PALM2AKAP2: variants seen among roughly 807,000 people sequenced by gnomAD.
PALM2AKAP2 encodes PALM2-AKAP2 fusion protein.
In PALM2AKAP2, 37 loss-of-function variants were observed where a neutral mutation model predicts 71.5. The observed-to-expected ratio is 0.52, with a 90% CI of 0.40 to 0.68. PALM2AKAP2 has a LOEUF of 0.68. Ranked by LOEUF, PALM2AKAP2 falls within the 30% of genes least tolerant of loss-of-function variation. PALM2AKAP2 has a pLI of 0.00. For synonymous variants in PALM2AKAP2, 468 were observed against 478.8 expected, an observed-to-expected ratio of 0.98 and a Z score of 0.29; for missense variants, 1,224 against 1,191.8, an observed-to-expected ratio of 1.03 and a Z score of -0.40.
chr9:110,097,735 C>T (rs1162951127), intron 1 of PALM2AKAP2, among the ~76,000 whole-genome samples: 5 of 143,326 alleles, frequency 3.5e-5, no homozygotes, highest in Non-Finnish European at 4.5e-5. Context: ...CAGGCAGAGA[C>T]GCTCCTCACT....
chr9:109,970,499 T>C (rs1258582238), intron 6 of PALM2AKAP2, among the ~76,000 whole-genome samples: 1 of 152,156 alleles, frequency 6.6e-6, no homozygotes, highest in East Asian at 1.9e-4. Flanking sequence ...GGGTAGAAGC[T>C]GGAAACAAGG....
intron 1 of PALM2AKAP2, among the ~76,000 whole-genome samples, chr9:109,730,707 A>G (rs1828544904): frequency 6.6e-6 from 1 of 152,208 alleles, no homozygotes; most frequent in Non-Finnish European, 1.5e-5. Flanking sequence ...TTAGGATATG[A>G]ATAAGAAGAG....
intron 1 of PALM2AKAP2, among the ~76,000 whole-genome samples, chr9:109,667,932 T>TAAAGTAATTGAGCTACATATCCCTC (rs1587860398): frequency 2.5e-5 from 2 of 81,202 alleles, no homozygotes; most frequent in African/African-American, 6.0e-5. Flanking sequence ...GCTTTGGTTT[T>TAAAGTAATTGAGCTACATATCCCTC]TTTTTTTTTT....
chr9:109,908,065 C>A (rs996495190), intron 3 of PALM2AKAP2, among the ~76,000 whole-genome samples: 6 of 152,158 alleles, frequency 3.9e-5, no homozygotes, highest in Non-Finnish European at 7.4e-5. Flanking sequence ...GAGAATGTTC[C>A]CTTTTAGAAC....
chr9:109,845,557 C>T (rs1828831836), intron 1 of PALM2AKAP2, among the ~76,000 whole-genome samples: 1 of 152,086 alleles, frequency 6.6e-6, no homozygotes, highest in Non-Finnish European at 1.5e-5. Context: ...CCTAGGGAGA[C>T]AAAGAAAACC....
chr9:109,931,977 T>G, exon 6 of PALM2AKAP2: 1 of 1,614,108 alleles, frequency 6.2e-7, no homozygotes, highest in South Asian at 1.1e-5. Context: ...AATCCTCTGT[T>G]CACGAACAGC....
chr9:109,930,003 G>T (rs148078790), intron 5 of PALM2AKAP2, among the ~76,000 whole-genome samples: 31 of 152,032 alleles, frequency 2.0e-4, no homozygotes, highest in African/African-American at 7.5e-4. Context: ...GGTCCCTGCA[G>T]GCTGCTTTCC....
chr9:109,757,864 G>T (rs1041048881), intron 1 of PALM2AKAP2, among the ~76,000 whole-genome samples: 1 of 151,942 alleles, frequency 6.6e-6, no homozygotes, highest in Non-Finnish European at 1.5e-5. Flanking sequence ...AACTTTTTAT[G>T]TATTTCATTG....
intron 1 of PALM2AKAP2, among the ~76,000 whole-genome samples, chr9:110,074,619 C>T (rs1257259199): frequency 6.6e-6 from 1 of 152,106 alleles, no homozygotes; most frequent in Non-Finnish European, 1.5e-5. Flanking sequence ...AAAAAGACTC[C>T]AATAGTTCAC....
intron 1 of PALM2AKAP2, among the ~76,000 whole-genome samples, chr9:109,680,963 G>T (rs1281942951): frequency 6.6e-6 from 1 of 152,104 alleles, no homozygotes; most frequent in East Asian, 1.9e-4. Flanking sequence ...CCCAGAGTTA[G>T]ACAATAAGGA....
chr9:110,084,279 A>G (rs1472944564), intron 1 of PALM2AKAP2, among the ~76,000 whole-genome samples: 1 of 152,240 alleles, frequency 6.6e-6, no homozygotes, highest in Admixed American at 6.5e-5. Flanking sequence ...AAGTAATGTT[A>G]TGTTATTATA....
upstream of PALM2AKAP2, among the ~76,000 whole-genome samples, chr9:110,047,194 G>A (rs1010815642): frequency 2.6e-5 from 4 of 152,166 alleles, no homozygotes; most frequent in Non-Finnish European, 4.4e-5. Flanking sequence ...TAGTATAAGA[G>A]ACAAACAGGC....
chr9:110,069,444 AG>A (rs1755260221), intron 1 of PALM2AKAP2, among the ~76,000 whole-genome samples: 1 of 152,222 alleles, frequency 6.6e-6, no homozygotes, highest in Non-Finnish European at 1.5e-5. Flanking sequence ...ATCATGAGAC[AG>A]GTTCATTTTT....
intron 3 of PALM2AKAP2, among the ~76,000 whole-genome samples, chr9:109,910,412 T>C (rs1231604911): frequency 2.0e-5 from 3 of 152,216 alleles, no homozygotes; most frequent in Non-Finnish European, 4.4e-5. Context: ...GATTTAAGCA[T>C]GTTCGGTAGG....
intron 6 of PALM2AKAP2, chr9:109,942,907 G>C (rs773604852): frequency 1.9e-6 from 3 of 1,614,186 alleles, no homozygotes; most frequent in South Asian, 2.2e-5. Flanking sequence ...TATTCAGAAG[G>C]CTGGACAATC....
At chr9:109,765,674 C>T (rs538831008) in intron 1 of PALM2AKAP2, 1 of 152,244 alleles carries the variant, frequency 6.6e-6, no homozygotes, top group Non-Finnish European at 1.5e-5. Context: ...ACAGTTGAGA[C>T]CCAGCCTTGA....
rs141320111 is a variant in PALM2AKAP2, at chr9:110,161,327, C to T, written c.2748+4830C>T. Among the ~76,000 whole-genome samples the T allele has an allele frequency of 2.3e-4, 35 of 152,304 alleles. No homozygotes were observed. In the East Asian group the frequency reaches 2.5e-3, roughly 11 times the overall value. ...AAATGCCCCAAGCAGTGTAAATGTA[C>T]GCTCATTACCATAATTCTGGAGAGG... is the stretch of plus-strand genomic sequence containing the variant. On this transcript the variant is annotated intron_variant, in intron 3 of 3. Transcript: ENST00000374525.
intron 6 of PALM2AKAP2, among the ~76,000 whole-genome samples, chr9:110,008,958 C>T (rs1418405841): frequency 6.6e-6 from 1 of 152,128 alleles, no homozygotes; most frequent in Non-Finnish European, 1.5e-5. Context: ...CTCAGCAACT[C>T]TAAGGAGGCC....
At chr9:110,043,225 A>T (rs918864442) in intron 7 of PALM2AKAP2, among the ~76,000 whole-genome samples, 1 of 152,212 alleles carries the variant, frequency 6.6e-6, no homozygotes, top group Non-Finnish European at 1.5e-5. Context: ...AAATGCTGTT[A>T]TCAGAAGTAT....
Sources: allele counts gnomAD v4.1 joint callset (sites outside exome capture counted in the v4.1 genomes callset), GRCh38; gene constraint gnomAD v4.1.1; transcripts MANE v1.5; gene names NCBI Gene and HGNC (gene_info 2026-07-23, HGNC 2026-07-21).